AK4: variants seen among roughly 807,000 people sequenced by gnomAD.
The protein encoded by AK4 is adenylate kinase 4, also known as adenylate kinase 4, mitochondrial.
A neutral mutation model predicts 24.6 loss-of-function variants in AK4; 13 were observed. The ratio of observed to expected loss-of-function variants is 0.53; its 90% CI spans 0.34 to 0.84. AK4 has a LOEUF of 0.84. Among genes scored for constraint, AK4 ranks in the 40% least tolerant of loss-of-function variants. The probability of loss-of-function intolerance (pLI) is 0.01; values close to 1 mark genes in which losing one functional copy is unlikely to be tolerated. For missense variants in AK4, 192 were observed against 288.2 expected (o/e 0.67, Z 2.42); for synonymous variants, 88 against 107.0 (o/e 0.82, Z 1.10).
intron 2 of AK4, among the ~76,000 whole-genome samples, chr1:65,210,463 C>A (rs1033467312): frequency 2.6e-5 from 4 of 152,174 alleles, no homozygotes; most frequent in Non-Finnish European, 5.9e-5. Flanking sequence ...TTAACAGTTT[C>A]CCCCACCCTC....
Position 65,178,860 on chromosome 1 carries a change from G to A in AK4, c.146-11850G>A, listed in dbSNP as rs114616228. On this transcript the variant is annotated intron_variant, in intron 1 of 4. Coordinates refer to ENST00000327299, the MANE Select transcript of AK4 (RefSeq NM_013410.4). ...ATGAATGATAAGGAAATGAGGGTGG[G>A]AGGTGAGGTTGAGAAGTAGTTTCCA... is the stretch of plus-strand genomic sequence containing the variant. Among the ~76,000 whole-genome samples the A allele has an allele frequency of 8.7e-3, 1,319 of 152,282 alleles. 20 individuals are homozygous for A. The highest frequency in any genetic ancestry group is 0.03 in the African/African-American group (1,260 of 41,550).
At chr1:65,199,748 G>A (rs961847716) in intron 2 of AK4, among the ~76,000 whole-genome samples, 4 of 152,102 alleles carry the variant, frequency 2.6e-5, no homozygotes, top group Non-Finnish European at 4.4e-5. Flanking sequence ...GGGACCAGAA[G>A]TATTTTGGAT....
intron 2 of AK4, among the ~76,000 whole-genome samples, chr1:65,218,207 T>C (rs1474093937): frequency 6.6e-6 from 1 of 152,212 alleles, no homozygotes; most frequent in African/African-American, 2.4e-5. Context: ...TATATAGTTA[T>C]TTTTGCTAAC....
At chr1:65,148,594 G>A in intron 1 of AK4, 42 bp downstream of exon 1, 1 of 1,556,396 alleles carries the variant, frequency 6.4e-7, no homozygotes, top group Non-Finnish European at 8.7e-7. Context: ...GAGCCGCGTT[G>A]GGCTGGGGTG....
At chr1:65,209,467 G>C (rs976416764) in intron 2 of AK4, among the ~76,000 whole-genome samples, 1 of 152,214 alleles carries the variant, frequency 6.6e-6, no homozygotes, top group Non-Finnish European at 1.5e-5. Context: ...GCCACCTGTT[G>C]ACAAAATTTG....
intron 2 of AK4, among the ~76,000 whole-genome samples, chr1:65,210,773 C>T (rs1570132434): frequency 1.3e-5 from 2 of 152,282 alleles, no homozygotes; most frequent in East Asian, 3.9e-4. Context: ...CCAGTACCGT[C>T]CGCCCCCTGC....
chr1:65,154,219 T>A (rs1649895911), intron 1 of AK4, among the ~76,000 whole-genome samples: 1 of 152,056 alleles, frequency 6.6e-6, no homozygotes, highest in African/African-American at 2.4e-5. Flanking sequence ...GGGATATATA[T>A]GAAGGCAGAG....
rs150874117 is a variant in AK4, at chr1:65,200,898, G to A, written c.265+10069G>A. Among the ~76,000 whole-genome samples the A allele has an allele frequency of 4.5e-3, 690 of 152,012 alleles. 5 individuals carry two copies. Among genetic ancestry groups the A allele is most frequent in the African/African-American group, 0.016 (659 of 41,474 alleles). ...CAACCTCCACCTCTTGGGTTCAAGC[G>A]ATTCTCCTGCCTCAGCCTCCCAAGT... On this transcript the variant is annotated intron_variant, in intron 2 of 4. Transcript: ENST00000327299.
At chr1:65,151,609 G>C (rs2100975814) in intron 1 of AK4, among the ~76,000 whole-genome samples, 1 of 152,278 alleles carries the variant, frequency 6.6e-6, no homozygotes, top group East Asian at 1.9e-4. Context: ...TTGGAGGACA[G>C]GGATCAGGCA....
chr1:65,179,676 C>T (rs2101023560), intron 1 of AK4, among the ~76,000 whole-genome samples: 1 of 152,014 alleles, frequency 6.6e-6, no homozygotes, highest in African/African-American at 2.4e-5. Context: ...CCCATCTCTA[C>T]AAAGAAAAAT....
At chr1:65,189,287 CTTTTTTT>C (rs11373489) in intron 1 of AK4, among the ~76,000 whole-genome samples, 1 of 132,554 alleles carries the variant, frequency 7.5e-6, no homozygotes, top group Admixed American at 7.7e-5. Context: ...GATTCTCTCT[CTTTTTTT>C]TTTTTTTTTG....
intron 1 of AK4, among the ~76,000 whole-genome samples, chr1:65,181,772 A>G (rs1650915526): frequency 1.3e-5 from 2 of 152,230 alleles, no homozygotes; most frequent in African/African-American, 4.8e-5. Context: ...TTGTTTTGAT[A>G]GGCCAAGTTG....
chr1:65,160,060 G>A (rs1413651435), intron 1 of AK4, among the ~76,000 whole-genome samples: 1 of 151,360 alleles, frequency 6.6e-6, no homozygotes, highest in Non-Finnish European at 1.5e-5. Context: ...TAGTTAAAGA[G>A]AAACTAGCGT....
intron 1 of AK4, among the ~76,000 whole-genome samples, chr1:65,171,375 A>G (rs550387822): frequency 8.2e-5 from 11 of 134,050 alleles, no homozygotes; most frequent in East Asian, 2.2e-4. Flanking sequence ...CAGTGGCACA[A>G]TCTCCGCACT....
intron 1 of AK4, among the ~76,000 whole-genome samples, chr1:65,175,283 C>T (rs111713844): frequency 2.6e-4 from 40 of 152,302 alleles, no homozygotes; most frequent in African/African-American, 7.0e-4. Flanking sequence ...GTTTCCCTTC[C>T]GGAGGTTGCT....
intron 2 of AK4, among the ~76,000 whole-genome samples, chr1:65,196,798 T>C (rs2101049865): frequency 6.6e-6 from 1 of 152,204 alleles, no homozygotes; most frequent in South Asian, 2.1e-4. Context: ...GGGTCACATA[T>C]TAGACCGTTT....
intron 1 of AK4, among the ~76,000 whole-genome samples, chr1:65,150,214 T>G (rs560680238): frequency 1.9e-4 from 29 of 152,170 alleles, no homozygotes; most frequent in Non-Finnish European, 3.2e-4. Context: ...AGCTTATTTC[T>G]GCACTTTCTT....
intron 1 of AK4, among the ~76,000 whole-genome samples, chr1:65,162,679 A>G (rs1238406768): frequency 6.7e-6 from 1 of 149,728 alleles, no homozygotes; most frequent in Non-Finnish European, 1.5e-5. Flanking sequence ...CAACTCTACA[A>G]AAAAAAAAAG....
At chr1:65,167,108 G>A (rs1001978415) in intron 1 of AK4, among the ~76,000 whole-genome samples, 7 of 152,016 alleles carry the variant, frequency 4.6e-5, no homozygotes, top group Non-Finnish European at 1.0e-4. Context: ...CCTCCAGCCT[G>A]GGTGACAGAG....
Sources: gnomAD v4.1 joint callset for allele counts (sites outside exome capture counted in the v4.1 genomes callset) on GRCh38, gnomAD v4.1.1 for gene constraint, MANE v1.5 for transcripts, NCBI Gene and HGNC (gene_info 2026-07-23, HGNC 2026-07-21) for gene names.